The following SAMD8 variants were observed in gnomAD, a reference collection of about 807,000 sequenced individuals.
SAMD8 encodes the protein sterile alpha motif domain containing 8.
In SAMD8, 20 loss-of-function variants were observed where a neutral mutation model predicts 42.0. The observed-to-expected ratio is 0.48, with a 90% CI of 0.34 to 0.69. The LOEUF (loss-of-function observed/expected upper bound fraction) is 0.69, where lower values mean the gene tolerates loss of function less well. SAMD8 is among the 30% of genes least tolerant of loss of function. The pLI, the probability that SAMD8 is intolerant of heterozygous loss-of-function variation, is 0.01. For missense variants in SAMD8, 328 were observed against 511.6 expected, an observed-to-expected ratio of 0.64 and a Z score of 3.46; for synonymous variants, 162 against 173.0, an observed-to-expected ratio of 0.94 and a Z score of 0.50.
intron 1 of SAMD8, among the ~76,000 whole-genome samples, chr10:75,130,381 C>T (rs1361817761): frequency 2.0e-5 from 3 of 152,094 alleles, no homozygotes; most frequent in Middle Eastern, 6.3e-3. Flanking sequence ...TGGCACATGC[C>T]TGTAATCCCA....
chr10:75,107,777 G>C (rs181107688), upstream of SAMD8, among the ~76,000 whole-genome samples: 4 of 152,236 alleles, frequency 2.6e-5, no homozygotes, highest in African/African-American at 7.2e-5. Context: ...AGGTTTCACC[G>C]TGTTGGCCAG....
chr10:75,156,629 C>T (rs1296760030), intron 2 of SAMD8, among the ~76,000 whole-genome samples: 1 of 150,116 alleles, frequency 6.7e-6, no homozygotes, highest in Non-Finnish European at 1.5e-5. Context: ...CCTATGTAAT[C>T]ATCTTGTCCA....
intron 1 of SAMD8, among the ~76,000 whole-genome samples, chr10:75,142,075 G>A (rs936760321): frequency 3.9e-5 from 6 of 152,064 alleles, no homozygotes; most frequent in Non-Finnish European, 8.8e-5. Context: ...AGCCTTCTGA[G>A]TACCTGGGAT....
At chr10:75,121,467 T>C (rs2134427452) in intron 1 of SAMD8, among the ~76,000 whole-genome samples, 1 of 152,346 alleles carries the variant, frequency 6.6e-6, no homozygotes, top group South Asian at 2.1e-4. Flanking sequence ...CATCCTGATT[T>C]ACAAAACACA....
At chr10:75,103,377 C>T (rs1469214258) in intron 1 of SAMD8, among the ~76,000 whole-genome samples, 1 of 152,222 alleles carries the variant, frequency 6.6e-6, no homozygotes, top group Non-Finnish European at 1.5e-5. Flanking sequence ...GGTCTTCAGA[C>T]AGCCCTGGGC....
intron 1 of SAMD8, among the ~76,000 whole-genome samples, chr10:75,144,399 C>A (rs1050705221): frequency 1.3e-5 from 2 of 149,734 alleles, no homozygotes; most frequent in Admixed American, 6.6e-5. Context: ...AAAAATGACT[C>A]ATTCTCCCTG....
At chr10:75,154,426 A>G (rs1314121837) in intron 2 of SAMD8, among the ~76,000 whole-genome samples, 1 of 152,236 alleles carries the variant, frequency 6.6e-6, no homozygotes, top group African/African-American at 2.4e-5. Flanking sequence ...TACTTTAGGC[A>G]AAGCAAACAG....
chr10:75,119,403 C>T (rs543419305), intron 1 of SAMD8, among the ~76,000 whole-genome samples: 6 of 152,162 alleles, frequency 3.9e-5, no homozygotes, highest in South Asian at 2.1e-4. Context: ...GTGACCTGCC[C>T]GCCTTGGCTT....
intron 1 of SAMD8, among the ~76,000 whole-genome samples, chr10:75,101,130 G>A (rs34897006): frequency 0.079 from 12,049 of 152,280 alleles, 726 homozygotes; most frequent in South Asian, 0.3. Context: ...GCTGCCAGTG[G>A]GGAACAGCTG....
intron 1 of SAMD8, among the ~76,000 whole-genome samples, chr10:75,126,499 C>G (rs1302167794): frequency 8.7e-6 from 1 of 115,556 alleles, no homozygotes; most frequent in African/African-American, 3.2e-5. Flanking sequence ...AGTGCTTTTG[C>G]TTTTTTTTTT....
intron 2 of SAMD8, among the ~76,000 whole-genome samples, chr10:75,152,681 C>T (rs1840320703): frequency 6.6e-6 from 1 of 151,972 alleles, no homozygotes; most frequent in African/African-American, 2.4e-5. Context: ...AGACTTGCAA[C>T]ATAGCAAGAC....
At chr10:75,154,298 G>GT (rs1295560815) in intron 2 of SAMD8, among the ~76,000 whole-genome samples, 3 of 152,182 alleles carry the variant, frequency 2.0e-5, no homozygotes, top group Non-Finnish European at 4.4e-5. Flanking sequence ...ACTGAAAGCT[G>GT]TTTAAGAAGT....
In SAMD8 at chr10:75,150,642, A is replaced by C; in HGVS notation, c.114A>C (p.Arg38=). Residue 38 remains arginine (R), a synonymous_variant, in exon 2 of 6, where the codon CGA becomes CGC. Transcript: ENST00000542569. Reference sequence around the variant, plus strand: ...TGGACATTTTATGCAATAAGCACCGACTTGATGGAATCACATTGCTAACAT... The same window carrying C: ...TGGACATTTTATGCAATAAGCACCGCCTTGATGGAATCACATTGCTAACAT... ...EYVDILCNKH[R]LDGITLLTLT... 1 of 1,614,216 alleles carries C rather than the reference A, an allele frequency of 6.2e-7. No individual in the cohort carries two copies. The highest frequency in any genetic ancestry group is 8.5e-7 in the Non-Finnish European group (1 of 1,180,036).
intron 4 of SAMD8, among the ~76,000 whole-genome samples, chr10:75,173,202 A>G (rs1368739391): frequency 1.3e-5 from 2 of 152,176 alleles, no homozygotes; most frequent in African/African-American, 4.8e-5. Context: ...GCTTTGAATT[A>G]TAATATAACC....
At chr10:75,113,051 T>A (rs1407122277) in intron 1 of SAMD8, among the ~76,000 whole-genome samples, 2 of 152,214 alleles carry the variant, frequency 1.3e-5, no homozygotes, top group African/African-American at 4.8e-5. Flanking sequence ...AGGTATTGTG[T>A]GAATAGTATT....
intron 1 of SAMD8, among the ~76,000 whole-genome samples, chr10:75,149,024 G>A (rs1330960582): frequency 6.6e-6 from 1 of 151,522 alleles, no homozygotes; most frequent in East Asian, 1.9e-4. Context: ...CTGGGTAATA[G>A]GCACATAGGT....
At chr10:75,111,438 C>G, upstream of SAMD8, 1 of 1,091,122 alleles carries the variant, frequency 9.2e-7, no homozygotes, top group East Asian at 3.4e-5. Flanking sequence ...AGTGTGGGCC[C>G]CGCCCCCTGC....
chr10:75,150,269 C>T, intron 1 of SAMD8: 1 of 189,954 alleles, frequency 5.3e-6, no homozygotes, highest in Non-Finnish European at 9.2e-6. Flanking sequence ...CCCACCATGC[C>T]CAGGCTAAAA....
chr10:75,167,310 A>C (rs771966916), intron 3 of SAMD8, among the ~76,000 whole-genome samples: 18 of 152,168 alleles, frequency 1.2e-4, no homozygotes, highest in Non-Finnish European at 2.2e-4. Flanking sequence ...AGGCTAGAGC[A>C]CAGTGACATG....
Sources: allele counts gnomAD v4.1 joint callset (sites outside exome capture counted in the v4.1 genomes callset), GRCh38; gene constraint gnomAD v4.1.1; transcripts MANE v1.5; gene names NCBI Gene and HGNC (gene_info 2026-07-23, HGNC 2026-07-21).